The following KCNQ3 variants were observed in gnomAD, a reference collection of about 807,000 sequenced individuals.
The protein encoded by KCNQ3 is potassium voltage-gated channel subfamily KQT member 3.
KCNQ3 carries 30 observed loss-of-function variants against 92.5 expected under a neutral mutation model. That is an observed-to-expected ratio of 0.32 (90% confidence interval 0.24 to 0.44). The LOEUF (loss-of-function observed/expected upper bound fraction) is 0.44, where lower values mean the gene tolerates loss of function less well. Ranked by LOEUF, KCNQ3 falls within the 20% of genes least tolerant of loss-of-function variation. The probability of loss-of-function intolerance (pLI) is 1.00; values close to 1 mark genes in which losing one functional copy is unlikely to be tolerated. For missense variants in KCNQ3, 913 were observed against 1,140.3 expected (o/e 0.80, Z 2.87); for synonymous variants, 450 against 468.8 (o/e 0.96, Z 0.52).
intron 1 of KCNQ3, among the ~76,000 whole-genome samples, chr8:132,340,092 A>T (rs1818481880): frequency 6.6e-6 from 1 of 152,222 alleles, no homozygotes; most frequent in African/African-American, 2.4e-5. Flanking sequence ...AATGGCAATT[A>T]TTAAAAAGTC....
intron 1 of KCNQ3, among the ~76,000 whole-genome samples, chr8:132,204,772 C>CTAAT (rs1813601500): frequency 6.6e-6 from 1 of 152,188 alleles, no homozygotes; most frequent in African/African-American, 2.4e-5. Flanking sequence ...TGAAATGAGG[C>CTAAT]TAATAAAATG....
At chr8:132,359,421 C>T (rs1819105339) in intron 1 of KCNQ3, among the ~76,000 whole-genome samples, 1 of 152,172 alleles carries the variant, frequency 6.6e-6, no homozygotes, top group South Asian at 2.1e-4. Flanking sequence ...AGGGTGCTCA[C>T]TGTGTCCTGC....
intron 1 of KCNQ3, among the ~76,000 whole-genome samples, chr8:132,442,619 A>G (rs1821566225): frequency 6.6e-6 from 1 of 152,086 alleles, no homozygotes; most frequent in Non-Finnish European, 1.5e-5. Context: ...GGTGGGCCAG[A>G]TTTTCTCCTA....
chr8:132,176,413 T>C (rs1308243266), intron 4 of KCNQ3, among the ~76,000 whole-genome samples: 1 of 152,184 alleles, frequency 6.6e-6, no homozygotes, highest in Non-Finnish European at 1.5e-5. Flanking sequence ...TCTCATTCTA[T>C]TCCAGTTTCA....
At chr8:132,294,597 CTTGTGGAACGTT>C (rs920782397) in intron 1 of KCNQ3, among the ~76,000 whole-genome samples, 5 of 152,144 alleles carry the variant, frequency 3.3e-5, no homozygotes, top group African/African-American at 1.2e-4. Flanking sequence ...TTCATAAGTT[CTTGTGGAACGTT>C]TGGTGAGATA....
intron 1 of KCNQ3, among the ~76,000 whole-genome samples, chr8:132,437,228 C>T (rs1821418496): frequency 6.6e-6 from 1 of 150,454 alleles, no homozygotes. Flanking sequence ...TGCAGTGAGC[C>T]GAGATTGCGC....
At chr8:132,206,428 A>G (rs1007482945) in intron 1 of KCNQ3, among the ~76,000 whole-genome samples, 10 of 152,218 alleles carry the variant, frequency 6.6e-5, no homozygotes, top group African/African-American at 2.2e-4. Flanking sequence ...AAAGCAAACA[A>G]TGGAAATCAA....
At chr8:132,368,527 C>T (rs1819384456) in intron 1 of KCNQ3, among the ~76,000 whole-genome samples, 1 of 151,982 alleles carries the variant, frequency 6.6e-6, no homozygotes. Flanking sequence ...GTAGCACATG[C>T]TTGTAGTCCC....
intron 1 of KCNQ3, among the ~76,000 whole-genome samples, chr8:132,470,777 A>G (rs184403384): frequency 3.5e-4 from 54 of 152,318 alleles, no homozygotes; most frequent in African/African-American, 1.3e-3. Flanking sequence ...TTTAGCCTCC[A>G]TTAACTGAAA....
rs1587060440 is a variant in KCNQ3, at chr8:132,480,431, C to T, written c.102G>A (p.Ala34=). ...GAANPAGGDA[A]AAGDEERKVG... is the part of the protein sequence containing the mutation. ...CTTTCCGCTCCTCGTCGCCGGCCGC[C>T]GCCGCGTCCCCTCCGGCTGGGTTAG... Residue 34 remains alanine, a synonymous_variant, in exon 1 of 15, where the codon GCG becomes GCA. Coordinates refer to ENST00000388996, the MANE Select transcript of KCNQ3 (RefSeq NM_004519.4). 6 of 1,459,366 alleles carry T rather than the reference C, an allele frequency of 4.1e-6. No individual in the cohort carries two copies. Among genetic ancestry groups the T allele is most frequent in the Non-Finnish European group, 4.5e-6 (5 of 1,108,892 alleles). The allele number at this position is 1,459,366 out of a possible 1,614,324, so 90.4% of individuals were successfully genotyped here.
At chr8:132,412,645 C>T (rs1820680557) in intron 1 of KCNQ3, among the ~76,000 whole-genome samples, 1 of 152,082 alleles carries the variant, frequency 6.6e-6, no homozygotes, top group South Asian at 2.1e-4. Flanking sequence ...GGGAAGAAAC[C>T]CGGCAAACTC....
intron 1 of KCNQ3, among the ~76,000 whole-genome samples, chr8:132,471,062 T>C (rs1035211342): frequency 1.4e-4 from 21 of 152,312 alleles, no homozygotes; most frequent in Admixed American, 1.2e-3. Flanking sequence ...TTATGGTACC[T>C]TTTTGTTTGG....
In KCNQ3 at chr8:132,480,627, C is replaced by G. The variant is rs756948562; in HGVS notation, c.-95G>C. ...GTGAACGAGGCGGCGGCGGCGGCTG[C>G]AAGCCCGGGAACTCCAATGCCATGA... On this transcript the variant is annotated 5_prime_UTR_variant, in exon 1 of 15. Coordinates refer to ENST00000388996, the MANE Select transcript of KCNQ3 (RefSeq NM_004519.4). 8.5e-7 allele frequency: 1 copy of G among 1,175,536 alleles called. No homozygotes were observed. Among genetic ancestry groups the G allele is most frequent in the Admixed American group, 2.9e-5 (1 of 34,428 alleles). 72.8% of individuals were successfully genotyped at this position (1,175,536 alleles called of 1,614,324 possible). A position where few individuals can be genotyped will look rare whatever the true frequency, so the allele number is the denominator to read the frequency against.
intron 1 of KCNQ3, among the ~76,000 whole-genome samples, chr8:132,283,772 C>G (rs1355835928): frequency 6.6e-6 from 1 of 152,190 alleles, no homozygotes; most frequent in Non-Finnish European, 1.5e-5. Flanking sequence ...ACACTTAGTT[C>G]TATAAAATAA....
At chr8:132,172,567 C>G in intron 7 of KCNQ3, 31 bp downstream of exon 7, 1 of 1,577,930 alleles carries the variant, frequency 6.3e-7, no homozygotes, top group Non-Finnish European at 8.7e-7. Flanking sequence ...GGATCTTAAT[C>G]CCATTCCAGT....
At chr8:132,433,754 G>C (rs549967357) in intron 1 of KCNQ3, among the ~76,000 whole-genome samples, 1 of 152,082 alleles carries the variant, frequency 6.6e-6, no homozygotes, top group Non-Finnish European at 1.5e-5. Context: ...GCTGGATGTG[G>C]TGGTGCACAC....
chr8:132,440,427 G>A (rs1251231713), intron 1 of KCNQ3, among the ~76,000 whole-genome samples: 1 of 152,100 alleles, frequency 6.6e-6, no homozygotes, highest in Admixed American at 6.5e-5. Flanking sequence ...ACACTAGAAC[G>A]CAGCCCTGAG....
intron 1 of KCNQ3, among the ~76,000 whole-genome samples, chr8:132,335,252 C>A (rs1818336875): frequency 6.6e-6 from 1 of 152,120 alleles, no homozygotes; most frequent in East Asian, 1.9e-4. Flanking sequence ...CGGTGGCCAG[C>A]CTGGTCTCAA....
intron 12 of KCNQ3, among the ~76,000 whole-genome samples, chr8:132,137,677 C>A (rs1206600989): frequency 6.6e-6 from 1 of 152,184 alleles, no homozygotes; most frequent in Non-Finnish European, 1.5e-5. Context: ...AGGGTGCTGA[C>A]CTTGGCCATG....
Sources: allele counts gnomAD v4.1 joint callset (sites outside exome capture counted in the v4.1 genomes callset), GRCh38; gene constraint gnomAD v4.1.1; transcripts MANE v1.5; gene names NCBI Gene and HGNC (gene_info 2026-07-23, HGNC 2026-07-21).